The following ZIC5 variants were observed in gnomAD, a reference collection of about 807,000 sequenced individuals.
ZIC5 encodes the protein Zic family zinc finger 5, also known as zinc finger protein ZIC 5.
In ZIC5, 20 loss-of-function variants were observed where a neutral mutation model predicts 28.5. The ratio of observed to expected loss-of-function variants is 0.70; its 90% CI spans 0.49 to 1.02. ZIC5 has a LOEUF of 1.02. Ranked by LOEUF, ZIC5 falls within the 50% of genes least tolerant of loss-of-function variation. The probability of loss-of-function intolerance (pLI) is 0.00; values close to 1 mark genes in which losing one functional copy is unlikely to be tolerated. For synonymous variants in ZIC5, 488 were observed against 410.4 expected, an observed-to-expected ratio of 1.19 and a Z score of -2.29; for missense variants, 951 against 899.7, an observed-to-expected ratio of 1.06 and a Z score of -0.73.
intron 1 of ZIC5, 22 bp downstream of exon 1, chr13:99,970,105 G>T: frequency 6.2e-7 from 1 of 1,603,904 alleles, no homozygotes; most frequent in East Asian, 2.3e-5. Context: ...CGGCGGCGGC[G>T]CGGCCGGGGA....
intron 1 of ZIC5, among the ~76,000 whole-genome samples, chr13:99,966,601 C>T (rs972023197): frequency 2.0e-5 from 3 of 152,164 alleles, no homozygotes; most frequent in Non-Finnish European, 4.4e-5. Context: ...TTAATAAAGA[C>T]CACAAGCCTT....
chr13:99,970,149 C>A lies in ZIC5; in HGVS notation c.1455G>T (p.Lys485Asn). 1 of 1,609,266 alleles carries A rather than the reference C, an allele frequency of 6.2e-7. No homozygotes were observed. Among genetic ancestry groups the A allele is most frequent in the Non-Finnish European group, 8.5e-7 (1 of 1,178,428 alleles). ...GKVFARSENL[K>N]IHKRTHTGEK... ...CACCTGTATGAGTACGCTTGTGGAT[C>A]TTGAGGTTCTCGGAGCGCGCGAAGA... Residue 485 changes from lysine (K) to asparagine (N), a missense_variant, in exon 1 of 2, where the codon AAG (lysine) becomes AAT (asparagine). This residue lies in a region of ZIC5 where 59 missense variants were observed against 121.2 expected (regional missense o/e 0.49). Transcript: ENST00000267294.
Position 99,971,503 on chromosome 13 carries a change from G to T in ZIC5, c.101C>A (p.Ala34Glu). The change falls in exon 1 of 2, where the codon GCG becomes GAG. Residue 34 changes from alanine to glutamate, a missense_variant. Ala to Glu is a moderately radical substitution (Grantham distance 107). Around this residue, in one of 3 missense-constraint regions of ZIC5, gnomAD observed 784 missense variants for 660.1 expected, o/e 1.19. Transcript: ENST00000267294. ...GGAGTGGGCGGGCGGGCCGGCCAGCGCCGGGAAGCCTGTCATATTCTGAAG... is the reference window on the plus strand; with the variant it reads ...GGAGTGGGCGGGCGGGCCGGCCAGCTCCGGGAAGCCTGTCATATTCTGAAG... ...QPLQNMTGFP[A>E]LAGPPAHSQL... The T allele has an allele frequency of 1.3e-6, 2 of 1,551,110 alleles. No individual in the cohort carries two copies. The highest frequency in any genetic ancestry group is 8.7e-7 in the Non-Finnish European group (1 of 1,147,060).
intron 1 of ZIC5, 29 bp from the exon 2 acceptor site, chr13:99,965,848 A>T (rs780589233): frequency 1.8e-5 from 29 of 1,586,076 alleles, no homozygotes; most frequent in South Asian, 1.7e-4. Flanking sequence ...AAGGTCAACA[A>T]TGGCTTTCCA....
rs1392857548 is a variant in ZIC5, at chr13:99,971,141, T to C, written c.463A>G (p.Thr155Ala). 2 of 1,375,490 alleles carry C rather than the reference T, an allele frequency of 1.5e-6. No individual in the cohort carries two copies. Among genetic ancestry groups the C allele is most frequent in the Non-Finnish European group, 9.3e-7 (1 of 1,070,478 alleles). 85.2% of individuals were successfully genotyped at this position (1,375,490 alleles called of 1,614,324 possible). ...PPPPPALSGY[T>A]TTNSGGGGSS... is the part of the protein sequence containing the mutation. The stretch of plus-strand genomic sequence containing the variant: ...CCGCCGCCGCCACTGTTGGTGGTGG[T>C]GTAGCCCGAGAGGGCAGGAGGAGGA... The change falls in exon 1 of 2, where the codon ACC (threonine) becomes GCC (alanine). Residue 155 changes from threonine to alanine, a missense_variant. Thr to Ala is a moderately conservative substitution (Grantham distance 58). Around this residue, in one of 3 missense-constraint regions of ZIC5, gnomAD observed 784 missense variants for 660.1 expected, o/e 1.19. Transcript: ENST00000267294.
At position 99,965,044 on chromosome 13, in the gene ZIC5, T is replaced by TA. The variant is rs56236610; in HGVS notation, c.*332_*333insT. On this transcript the variant is annotated 3_prime_UTR_variant, in exon 2 of 2. Coordinates refer to ENST00000267294, the MANE Select transcript of ZIC5 (RefSeq NM_033132.5). Reference sequence around the variant, plus strand: ...ATGTATATATATATATATATATATATTGCATCGGCAGTGTGTATCGCCATT... The same window carrying TA: ...ATGTATATATATATATATATATATATATGCATCGGCAGTGTGTATCGCCATT... 2 of 143,586 alleles carry TA rather than the reference T, an allele frequency of 1.4e-5. No individual in the cohort carries two copies. The highest frequency in any genetic ancestry group is 6.9e-5 in the Admixed American group (1 of 14,430). The allele number at this position is 143,586 out of a possible 1,614,324, so 8.9% of individuals were successfully genotyped here.
rs767409016 is a variant in ZIC5 at position 99,971,079 on chromosome 13, G to A, written c.525C>T (p.Leu175=). 27 of 1,434,124 alleles carry A rather than the reference G, an allele frequency of 1.9e-5. No homozygotes were observed. Among genetic ancestry groups the A allele is most frequent in the Non-Finnish European group, 2.3e-5 (25 of 1,104,636 alleles). The allele number at this position is 1,434,124 out of a possible 1,614,324, so 88.8% of individuals were successfully genotyped here. A position where few individuals can be genotyped will look rare whatever the true frequency, so the allele number is the denominator to read the frequency against. The change falls in exon 1 of 2, where the codon CTC becomes CTT. Residue 175 remains leucine (L), a synonymous_variant. Transcript: ENST00000267294. ...SGKGHSRDFV[L]RRDLSATAPA... ...GGGCCGTGGCGGAAAGGTCCCTCCG[G>A]AGGACGAAGTCCCTGCTGTGGCCTT...
At position 99,963,490 on chromosome 13, in the gene ZIC5, A is replaced by G. The variant is rs189324003; in HGVS notation, c.*1887T>C. On this transcript the variant is annotated 3_prime_UTR_variant, in exon 2 of 2. Transcript: ENST00000267294. ...TTCATCACAACAATCTGAAGACAAC[A>G]TTGAAAGGCTTTCCAAGTGACAGCA... 7.2e-5 allele frequency: 11 copies of G among 152,730 alleles called. No individual in the cohort carries two copies. In the East Asian group the frequency reaches 1.9e-3, roughly 27 times the overall value. The allele number at this position is 152,730 out of a possible 1,614,324, so 9.5% of individuals were successfully genotyped here.
Position 99,964,804 on chromosome 13 carries a change from A to C in ZIC5, c.*573T>G, listed in dbSNP as rs1414559109. 1 of 152,136 alleles carries C rather than the reference A, an allele frequency of 6.6e-6. No homozygotes were observed. The highest frequency in any genetic ancestry group is 1.5e-5 in the Non-Finnish European group (1 of 67,978). The allele number at this position is 152,136 out of a possible 1,614,324, so 9.4% of individuals were successfully genotyped here. ...CAAATGTTTTTGGACACAGGTACGG[A>C]ACAGGATCTGTTGGCAATGCAGCAG... On this transcript the variant is annotated 3_prime_UTR_variant, in exon 2 of 2. Coordinates refer to ENST00000267294, the MANE Select transcript of ZIC5 (RefSeq NM_033132.5).
chr13:99,966,325 T>C (rs1463340688), intron 1 of ZIC5, among the ~76,000 whole-genome samples: 1 of 152,198 alleles, frequency 6.6e-6, no homozygotes, highest in Non-Finnish European at 1.5e-5. Context: ...AGTCAAATTA[T>C]AATAATGGCA....
Position 99,965,767 on chromosome 13 carries a change from A to G in ZIC5, c.1530T>C (p.Asn510=), listed in dbSNP as rs2053095969. The G allele has an allele frequency of 6.2e-7, 1 of 1,613,976 alleles. No individual in the cohort carries two copies. The highest frequency in any genetic ancestry group is 1.1e-5 in the South Asian group (1 of 91,066). The change falls in exon 2 of 2, where the codon AAT becomes AAC. Residue 510 remains asparagine, a synonymous_variant. Transcript: ENST00000267294. The part of the protein sequence containing the change: ...EFDGCDRKFA[N]SSDRKKHSHV... ...GGGAATGTTTCTTCCGATCACTGCT[A>G]TTGGCAAACTTCCTGTCACAGCCAT...
In ZIC5 at chr13:99,964,803, G is replaced by C. The variant is rs1448881267; in HGVS notation, c.*574C>G. The C allele has an allele frequency of 6.6e-6, 1 of 151,986 alleles. No homozygotes were observed. The highest frequency in any genetic ancestry group is 1.5e-5 in the Non-Finnish European group (1 of 67,944). 9.4% of individuals were successfully genotyped at this position (151,986 alleles called of 1,614,324 possible). ...ACAAATGTTTTTGGACACAGGTACG[G>C]AACAGGATCTGTTGGCAATGCAGCA... On this transcript the variant is annotated 3_prime_UTR_variant, in exon 2 of 2. Transcript: ENST00000267294.
rs938467237 is a variant in ZIC5 at position 99,965,020 on chromosome 13, T to C, written c.*357A>G. The C allele has an allele frequency of 1.1e-4, 13 of 123,618 alleles. No individual in the cohort carries two copies. The highest frequency in any genetic ancestry group is 4.6e-4 in the African/African-American group (13 of 28,038). 7.7% of individuals were successfully genotyped at this position (123,618 alleles called of 1,614,324 possible). A position where few individuals can be genotyped will look rare whatever the true frequency, so the allele number is the denominator to read the frequency against. On this transcript the variant is annotated 3_prime_UTR_variant, in exon 2 of 2. Transcript: ENST00000267294. ...TTAAAAAAAATAATATATATATATA[T>C]GTATATATATATATATATATATATT... is the stretch of plus-strand genomic sequence containing the variant.
At chr13:99,967,699 G>A (rs918396250) in intron 1 of ZIC5, among the ~76,000 whole-genome samples, 5 of 152,172 alleles carry the variant, frequency 3.3e-5, no homozygotes, top group African/African-American at 1.2e-4. Context: ...ATGAAAAAGG[G>A]GAACAATTAG....
At position 99,971,360 on chromosome 13, in the gene ZIC5, G is replaced by A. The variant is rs988774009; in HGVS notation, c.244C>T (p.Pro82Ser). 1.4e-5 allele frequency: 21 copies of A among 1,449,384 alleles called. No individual in the cohort carries two copies. The highest frequency in any genetic ancestry group is 8.4e-5 in the Admixed American group (3 of 35,662). 89.8% of individuals were successfully genotyped at this position (1,449,384 alleles called of 1,614,324 possible). Residue 82 changes from proline to serine, a missense_variant, in exon 1 of 2, where the codon CCT becomes TCT. Coordinates refer to ENST00000267294, the MANE Select transcript of ZIC5 (RefSeq NM_033132.5). ...TGTGCCGGGAACGCCTGGGAGGGAG[G>A]GCTGAGGCCCAGCGTGCTCGCCTGG... ...MAQASTLGLSPPSQAFPAHPE... is the reference protein window; with the variant it reads ...MAQASTLGLSSPSQAFPAHPE...
At position 99,970,536 on chromosome 13, in the gene ZIC5, C is replaced by G; in HGVS notation, c.1068G>C (p.Ala356=). 1 of 1,106,962 alleles carries G rather than the reference C, an allele frequency of 9.0e-7. No individual in the cohort carries two copies. Among genetic ancestry groups the G allele is most frequent in the Non-Finnish European group, 1.1e-6 (1 of 904,068 alleles). The allele number at this position is 1,106,962 out of a possible 1,614,324, so 68.6% of individuals were successfully genotyped here. The change falls in exon 1 of 2, where the codon GCG becomes GCC. Residue 356 remains alanine (A), a synonymous_variant. Coordinates refer to ENST00000267294, the MANE Select transcript of ZIC5 (RefSeq NM_033132.5). ...PHQHHPHLPG[A]AGAFLRYMRQ... is the part of the protein sequence containing the mutation. ...GCATGTAGCGCAGGAAGGCCCCAGC[C>G]GCCCCTGGGAGGTGGGGGTGGTGCT... is the stretch of plus-strand genomic sequence containing the variant.
Position 99,971,052 on chromosome 13 carries a change from G to T in ZIC5, c.552C>A (p.Pro184=). Residue 184 remains proline (P), a synonymous_variant, in exon 1 of 2, where the codon CCC becomes CCA. Coordinates refer to ENST00000267294, the MANE Select transcript of ZIC5 (RefSeq NM_033132.5). ...VLRRDLSATA[P]AAAMHGAPLG... ...GCGGGGCCCCGTGCATGGCCGCCGC[G>T]GGGGCCGTGGCGGAAAGGTCCCTCC... 1 of 1,424,818 alleles carries T rather than the reference G, an allele frequency of 7.0e-7. No homozygotes were observed. The highest frequency in any genetic ancestry group is 3.0e-5 in the East Asian group (1 of 32,942). The allele number at this position is 1,424,818 out of a possible 1,614,324, so 88.3% of individuals were successfully genotyped here. A position where few individuals can be genotyped will look rare whatever the true frequency, so the allele number is the denominator to read the frequency against.
intron 1 of ZIC5, among the ~76,000 whole-genome samples, chr13:99,968,793 C>T (rs1191961808): frequency 6.6e-6 from 1 of 152,172 alleles, no homozygotes; most frequent in Non-Finnish European, 1.5e-5. Context: ...TTAAGGCGGA[C>T]TGATCCCGAT....
In ZIC5 at chr13:99,965,487, C is replaced by T. The variant is rs201567196; in HGVS notation, c.1810G>A (p.Ala604Thr). ...TNLNEWYVCQ[A>T]SGAPSHLHTP... Reference sequence around the variant, plus strand: ...TGGAGGTGGCTGGGGGCCCCACTGGCCTGGCAAACGTACCACTCATTGAGG... The same window carrying T: ...TGGAGGTGGCTGGGGGCCCCACTGGTCTGGCAAACGTACCACTCATTGAGG... The change falls in exon 2 of 2, where the codon GCC (alanine) becomes ACC (threonine). Residue 604 changes from alanine to threonine, a missense_variant. By Grantham distance (58) the Ala-to-Thr change is moderately conservative. Around this residue, in one of 3 missense-constraint regions of ZIC5, gnomAD observed 108 missense variants for 118.4 expected, o/e 0.91. Coordinates refer to ENST00000267294, the MANE Select transcript of ZIC5 (RefSeq NM_033132.5). 93 of 1,613,866 alleles carry T rather than the reference C, an allele frequency of 5.8e-5. No homozygotes were observed. The East Asian group carries it at 2.1e-3, about 36-fold the overall frequency.
Sources: gnomAD v4.1 joint callset for allele counts (sites outside exome capture counted in the v4.1 genomes callset) on GRCh38, gnomAD v4.1.1 for gene constraint, gnomAD v4.1.1 regional missense constraint, MANE v1.5 for transcripts, NCBI Gene and HGNC (gene_info 2026-07-23, HGNC 2026-07-21) for gene names.